Variants in LUZP2 observed in about 807,000 individuals in gnomAD.
The protein encoded by LUZP2 is leucine zipper protein 2.
In LUZP2, 52 loss-of-function variants were observed where a neutral mutation model predicts 51.6. That is an observed-to-expected ratio of 1.01 (90% CI 0.81 to 1.27). LUZP2 has a LOEUF of 1.27. Among genes scored for constraint, LUZP2 ranks in the 50% most tolerant of loss-of-function variants. LUZP2 has a pLI of 0.00. For synonymous variants in LUZP2, 154 were observed against 137.3 expected (o/e 1.12, Z -0.85); for missense variants, 436 against 395.4 (o/e 1.10, Z -0.87).
chr11:24,774,480 A>C (rs1238814124), intron 5 of LUZP2, among the ~76,000 whole-genome samples: 1 of 129,478 alleles, frequency 7.7e-6, no homozygotes, highest in Admixed American at 8.4e-5. Flanking sequence ...TGTAGAGAGA[A>C]TATATATATA....
intron 5 of LUZP2, among the ~76,000 whole-genome samples, chr11:24,770,487 G>A (rs1860365121): frequency 1.3e-5 from 2 of 151,850 alleles, no homozygotes; most frequent in African/African-American, 4.8e-5. Flanking sequence ...TTGTTATATG[G>A]ACCATATAGT....
chr11:24,695,307 A>G (rs1590359039), intron 1 of LUZP2, among the ~76,000 whole-genome samples: 1 of 152,126 alleles, frequency 6.6e-6, no homozygotes, highest in East Asian at 1.9e-4. Context: ...TAGAATTAGT[A>G]AAATGTGATC....
intron 7 of LUZP2, among the ~76,000 whole-genome samples, chr11:24,949,451 G>A (rs190571158): frequency 6.6e-6 from 1 of 151,576 alleles, no homozygotes; most frequent in East Asian, 1.9e-4. Flanking sequence ...TTTAATTTAA[G>A]CAAGTAATTT....
intron 1 of LUZP2, among the ~76,000 whole-genome samples, chr11:24,691,911 C>T (rs970968472): frequency 6.6e-6 from 1 of 151,828 alleles, no homozygotes; most frequent in Non-Finnish European, 1.5e-5. Flanking sequence ...ATAAAGAGTT[C>T]AAAGATTCAT....
intron 5 of LUZP2, among the ~76,000 whole-genome samples, chr11:24,831,425 G>T (rs1473578262): frequency 2.0e-5 from 3 of 152,282 alleles, no homozygotes; most frequent in Admixed American, 6.5e-5. Flanking sequence ...CATTTTGGAA[G>T]CAGAAGCTCT....
At chr11:24,824,129 C>T (rs567716409) in intron 5 of LUZP2, among the ~76,000 whole-genome samples, 4 of 151,184 alleles carry the variant, frequency 2.6e-5, no homozygotes, top group South Asian at 2.1e-4. Flanking sequence ...TTTGGGAGGC[C>T]GAGGCAGGCG....
rs908247430 is a variant in LUZP2, at chr11:24,729,087, T to C, written c.63-82T>C. On this transcript the variant is annotated intron_variant, in intron 1 of 11. Coordinates refer to ENST00000336930, the MANE Select transcript of LUZP2 (RefSeq NM_001009909.4). ...AGGTTTTAACTTCTCTAGATTTCAC[T>C]GAAACTGTGAGTGTTAGTGATTATG... 13 of 587,206 alleles carry C rather than the reference T, an allele frequency of 2.2e-5. No homozygotes were observed. The African/African-American group carries it at 2.5e-4, about 11-fold the overall frequency. 36.4% of individuals were successfully genotyped at this position (587,206 alleles called of 1,614,324 possible). A position where few individuals can be genotyped will look rare whatever the true frequency, so the allele number is the denominator to read the frequency against.
chr11:24,591,722 G>A (rs1853268557), intron 1 of LUZP2, among the ~76,000 whole-genome samples: 1 of 152,150 alleles, frequency 6.6e-6, no homozygotes, highest in Admixed American at 6.6e-5. Flanking sequence ...CTGAAAAATT[G>A]TGATAATAAT....
intron 7 of LUZP2, among the ~76,000 whole-genome samples, chr11:24,930,444 T>TA: frequency 6.6e-6 from 1 of 152,288 alleles, no homozygotes; most frequent in Admixed American, 6.5e-5. Context: ...AATCGCTCAG[T>TA]ATTGTTTGTC....
intron 1 of LUZP2, among the ~76,000 whole-genome samples, chr11:24,608,393 A>G (rs144842552): frequency 6.6e-6 from 1 of 152,230 alleles, no homozygotes; most frequent in African/African-American, 2.4e-5. Context: ...TGTTATGTTT[A>G]AAGTAATAAT....
intron 4 of LUZP2, among the ~76,000 whole-genome samples, chr11:24,742,773 C>G (rs1411774764): frequency 6.6e-6 from 1 of 152,054 alleles, no homozygotes; most frequent in East Asian, 1.9e-4. Context: ...CTTGCCTAAG[C>G]CAATGTCAAG....
intron 5 of LUZP2, among the ~76,000 whole-genome samples, chr11:24,864,046 A>C (rs964957051): frequency 1.3e-5 from 2 of 152,186 alleles, no homozygotes; most frequent in Non-Finnish European, 2.9e-5. Context: ...AGTAAGAAAT[A>C]ATGGTGTATC....
At chr11:24,759,623 A>C (rs1029456158) in intron 4 of LUZP2, among the ~76,000 whole-genome samples, 8 of 152,168 alleles carry the variant, frequency 5.3e-5, no homozygotes, top group Non-Finnish European at 1.2e-4. Flanking sequence ...TATCAGTGAA[A>C]GAACAGGTTA....
At chr11:24,964,396 A>T (rs2133885933) in intron 7 of LUZP2, among the ~76,000 whole-genome samples, 1 of 152,332 alleles carries the variant, frequency 6.6e-6, no homozygotes, top group South Asian at 2.1e-4. Flanking sequence ...TAAATATAGT[A>T]ATATAGAAAC....
chr11:24,846,264 A>G (rs1299760287), intron 5 of LUZP2, among the ~76,000 whole-genome samples: 1 of 152,116 alleles, frequency 6.6e-6, no homozygotes, highest in Non-Finnish European at 1.5e-5. Context: ...GAAAATGTAT[A>G]GCCCTTCATG....
Position 24,601,982 on chromosome 11 carries a change from A to ATATGTG in LUZP2, c.62+104680_62+104681insGTGTAT, listed in dbSNP as rs1565019882. On this transcript the variant is annotated intron_variant, in intron 1 of 11. Coordinates refer to ENST00000336930, the MANE Select transcript of LUZP2 (RefSeq NM_001009909.4). ...TATATGTATATATGTGTATATGTAT[A>ATATGTG]TATATGTGTATATATGTATATATAT... 1.9e-4 allele frequency among the ~76,000 whole-genome samples: 21 copies of ATATGTG among 108,350 alleles called. 1 individual carries two copies. The South Asian group carries it at 5.1e-3, about 26-fold the overall frequency. 71.1% of individuals were successfully genotyped at this position (108,350 alleles called of 152,430 possible).
chr11:24,677,421 G>T (rs947432885), intron 1 of LUZP2, among the ~76,000 whole-genome samples: 1 of 152,136 alleles, frequency 6.6e-6, no homozygotes, highest in African/African-American at 2.4e-5. Flanking sequence ...TCTTCGTGTA[G>T]GTATGGTAGA....
At chr11:25,070,045 A>G (rs1284954011) in intron 10 of LUZP2, among the ~76,000 whole-genome samples, 1 of 151,902 alleles carries the variant, frequency 6.6e-6, no homozygotes, top group East Asian at 1.9e-4. Flanking sequence ...CAAACATCCA[A>G]ATGGGAGTCT....
intron 5 of LUZP2, among the ~76,000 whole-genome samples, chr11:24,895,129 G>A (rs1852996995): frequency 6.6e-6 from 1 of 152,044 alleles, no homozygotes; most frequent in African/African-American, 2.4e-5. Flanking sequence ...ATTTTCCGTG[G>A]GGTGGCATAA....
Sources: gnomAD v4.1 joint callset for allele counts (sites outside exome capture counted in the v4.1 genomes callset) on GRCh38, gnomAD v4.1.1 for gene constraint, MANE v1.5 for transcripts, NCBI Gene and HGNC (gene_info 2026-07-23, HGNC 2026-07-21) for gene names.